Variants in KIF13B observed in about 807,000 individuals in gnomAD.
KIF13B encodes the protein kinesin family member 13B, also known as kinesin-like protein KIF13B.
In KIF13B, 127 loss-of-function variants were observed where a neutral mutation model predicts 222.0. That is an observed-to-expected ratio of 0.57 (90% CI 0.50 to 0.66). The LOEUF (loss-of-function observed/expected upper bound fraction) is 0.66. Among genes scored for constraint, KIF13B ranks in the 30% least tolerant of loss-of-function variants. KIF13B has a pLI of 0.00. For synonymous variants in KIF13B, 976 were observed against 919.0 expected, an observed-to-expected ratio of 1.06 and a Z score of -1.12; for missense variants, 2,173 against 2,379.0, an observed-to-expected ratio of 0.91 and a Z score of 1.80.
rs1348497754 is a variant in KIF13B, at chr8:29,113,552, AACC to A, written c.3838_3840del (p.Gly1280del). ...ATCTTTTTTAGGAGACTCTGTGCAA[AACC>A]CTAGAGAAAAACAAAATAGAAGATA... is the stretch of plus-strand genomic sequence containing the variant. On this transcript the variant is annotated inframe_deletion and splice_region_variant, in exon 32 of 40. Transcript: ENST00000524189. The A allele has an allele frequency of 1.9e-6, 3 of 1,567,504 alleles. No homozygotes were observed. Among genetic ancestry groups the A allele is most frequent in the Non-Finnish European group, 1.7e-6 (2 of 1,152,136 alleles).
At chr8:29,216,692 G>A (rs1285395345) in intron 2 of KIF13B, among the ~76,000 whole-genome samples, 3 of 152,100 alleles carry the variant, frequency 2.0e-5, no homozygotes, top group Admixed American at 6.5e-5. Flanking sequence ...TACAGGAGAA[G>A]AAATTAAAGA....
Position 29,224,878 on chromosome 8 carries a change from G to A in KIF13B, c.149+20468C>T, listed in dbSNP as rs144818372. 3.5e-3 allele frequency among the ~76,000 whole-genome samples: 531 copies of A among 152,294 alleles called. 7 individuals carry two copies. The highest frequency in any genetic ancestry group is 0.012 in the African/African-American group (507 of 41,552). On this transcript the variant is annotated intron_variant, in intron 2 of 39. Coordinates refer to ENST00000524189, the MANE Select transcript of KIF13B (RefSeq NM_015254.4). Reference sequence around the variant, plus strand: ...ATTTAATAGGGATGATGAGACTTCTGTACAAATGAATACAAACAGTGAGGA... The same window carrying A: ...ATTTAATAGGGATGATGAGACTTCTATACAAATGAATACAAACAGTGAGGA...
chr8:29,079,562 A>C (rs1390439505), intron 37 of KIF13B, among the ~76,000 whole-genome samples: 1 of 152,228 alleles, frequency 6.6e-6, no homozygotes, highest in Non-Finnish European at 1.5e-5. Context: ...ACTAAATTGT[A>C]CAGTTACATA....
intron 31 of KIF13B, among the ~76,000 whole-genome samples, chr8:29,114,502 A>G (rs1809505039): frequency 6.6e-6 from 1 of 152,168 alleles, no homozygotes; most frequent in Non-Finnish European, 1.5e-5. Context: ...CACTGTCCTT[A>G]GGGGTGGTGA....
chr8:29,134,086 G>C lies in KIF13B; in HGVS notation c.2738C>G (p.Ser913Cys). The change falls in exon 22 of 40, where the codon TCC (serine) becomes TGC (cysteine). Residue 913 changes from serine to cysteine, a missense_variant. Physicochemically the swap from Ser to Cys is moderately radical, Grantham distance 112. Around this residue, in one of 2 missense-constraint regions of KIF13B, gnomAD observed 1,480 missense variants for 1,722.8 expected, o/e 0.86. Transcript: ENST00000524189. ...VAPEVDTSSS[S>C]VSKEPHCMVV... ...CATGCAGTGCGGCTCCTTGCTGACG[G>C]AAGAGGAGGAGGTGTCCACTTCAGG... 6.2e-7 allele frequency: 1 copy of C among 1,614,056 alleles called. No individual in the cohort carries two copies.
intron 2 of KIF13B, among the ~76,000 whole-genome samples, chr8:29,241,959 T>C (rs979363058): frequency 1.6e-4 from 25 of 152,206 alleles, no homozygotes; most frequent in African/African-American, 5.8e-4. Flanking sequence ...ACAGTTCCTA[T>C]GGGAAAATGC....
chr8:29,130,792 T>C (rs1810309757), intron 23 of KIF13B, 127 bp from the exon 24 acceptor site: 1 of 804,708 alleles, frequency 1.2e-6, no homozygotes, highest in Admixed American at 2.5e-5. Flanking sequence ...GAATGATCTG[T>C]AGTTCAGTGA....
intron 3 of KIF13B, among the ~76,000 whole-genome samples, chr8:29,195,327 A>G (rs538613125): frequency 7.9e-5 from 12 of 152,186 alleles, no homozygotes; most frequent in Non-Finnish European, 1.5e-4. Flanking sequence ...TTACATATAT[A>G]AAGAAACCAG....
chr8:29,092,866 A>G lies in KIF13B; in HGVS notation c.4337T>C (p.Leu1446Pro). Residue 1446 changes from leucine (L) to proline (P), a missense_variant, in exon 37 of 40, where the codon CTT becomes CCT. This residue lies in a region of KIF13B where 693 missense variants were observed against 656.2 expected (regional missense o/e 1.06). Transcript: ENST00000524189. Reference protein sequence around the residue: ...NHSPDPGLSNLAASYLNPVKS... With the variant: ...NHSPDPGLSNPAASYLNPVKS... ...GACAGGATTCAAGTAGGATGCTGCA[A>G]GGTTACTGAGTCCTGCCCATATTAC... is the stretch of plus-strand genomic sequence containing the variant. 6.2e-7 allele frequency: 1 copy of G among 1,610,492 alleles called. No homozygotes were observed. The highest frequency in any genetic ancestry group is 8.5e-7 in the Non-Finnish European group (1 of 1,178,312).
chr8:29,112,793 T>C (rs1428087335), intron 32 of KIF13B, among the ~76,000 whole-genome samples: 1 of 152,188 alleles, frequency 6.6e-6, no homozygotes, highest in East Asian at 1.9e-4. Flanking sequence ...CATGTCTAAT[T>C]CACGAATCAC....
rs776681784 is a variant in KIF13B, at chr8:29,127,213, A to G, written c.3131T>C (p.Leu1044Ser). 1.2e-6 allele frequency: 2 copies of G among 1,613,898 alleles called. No individual in the cohort carries two copies. The highest frequency in any genetic ancestry group is 1.7e-6 in the Non-Finnish European group (2 of 1,179,804). ...CAGTATACATTCTTCCATCAGTGGT[A>G]AAGTCCCAGATTCCTGCACTGACTT... is the stretch of plus-strand genomic sequence containing the variant. The part of the protein sequence containing the change: ...EVKSVQESGT[L>S]PLMEECILSV... The change falls in exon 25 of 40, where the codon TTA becomes TCA. Residue 1044 changes from leucine to serine, a missense_variant. Leu to Ser is a moderately radical substitution (Grantham distance 145). Coordinates refer to ENST00000524189, the MANE Select transcript of KIF13B (RefSeq NM_015254.4).
intron 2 of KIF13B, among the ~76,000 whole-genome samples, chr8:29,203,785 T>C (rs1210548035): frequency 6.7e-6 from 1 of 148,776 alleles, no homozygotes; most frequent in East Asian, 2.0e-4. Context: ...TCCCAGCTAC[T>C]CAGGAGGCTA....
intron 37 of KIF13B, among the ~76,000 whole-genome samples, chr8:29,092,244 A>G (rs1191859898): frequency 2.0e-5 from 3 of 152,224 alleles, no homozygotes; most frequent in Non-Finnish European, 4.4e-5. Context: ...TTGCTCTAAC[A>G]CTTACCCTAG....
intron 30 of KIF13B, among the ~76,000 whole-genome samples, chr8:29,118,559 G>A (rs1035172317): frequency 3.3e-5 from 5 of 152,008 alleles, no homozygotes; most frequent in African/African-American, 7.3e-5. Context: ...TTACCTCCAC[G>A]CACTTCCGCA....
intron 19 of KIF13B, among the ~76,000 whole-genome samples, chr8:29,141,880 A>G (rs1332764579): frequency 6.6e-6 from 1 of 152,204 alleles, no homozygotes. Context: ...AGCACAGGAG[A>G]CAGACACCCG....
At chr8:29,152,107 T>C (rs186232746) in intron 14 of KIF13B, among the ~76,000 whole-genome samples, 5 of 152,248 alleles carry the variant, frequency 3.3e-5, no homozygotes, top group East Asian at 3.9e-4. Context: ...GTGGTGGAAA[T>C]AGCAAGAGAC....
chr8:29,208,096 G>A (rs373501849), intron 2 of KIF13B, among the ~76,000 whole-genome samples: 1 of 152,116 alleles, frequency 6.6e-6, no homozygotes, highest in South Asian at 2.1e-4. Context: ...AGGATGCTAA[G>A]CCATGATATT....
chr8:29,249,304 C>T (rs988284949), intron 1 of KIF13B, among the ~76,000 whole-genome samples: 1 of 151,930 alleles, frequency 6.6e-6, no homozygotes, highest in Non-Finnish European at 1.5e-5. Context: ...GTGGCATGTG[C>T]CTGTAGTCCC....
At chr8:29,210,015 C>T (rs977782630) in intron 2 of KIF13B, among the ~76,000 whole-genome samples, 15 of 151,760 alleles carry the variant, frequency 9.9e-5, no homozygotes, top group African/African-American at 3.6e-4. Flanking sequence ...ATGATTGCAT[C>T]ACTGCACTCC....
Sources: gnomAD v4.1 joint callset for allele counts (sites outside exome capture counted in the v4.1 genomes callset) on GRCh38, gnomAD v4.1.1 for gene constraint, gnomAD v4.1.1 regional missense constraint, MANE v1.5 for transcripts, NCBI Gene and HGNC (gene_info 2026-07-23, HGNC 2026-07-21) for gene names.